Variants in FXR1 observed in about 807,000 individuals in gnomAD.
FXR1 encodes the protein FMR1 autosomal homolog 1.
Under a neutral mutation model 84.0 loss-of-function variants are expected in FXR1, and 15 were observed. That is an observed-to-expected ratio of 0.18 (90% confidence interval 0.12 to 0.27). The LOEUF (loss-of-function observed/expected upper bound fraction) is 0.27. Among genes scored for constraint, FXR1 ranks in the 10% least tolerant of loss-of-function variants. FXR1 has a pLI of 1.00. For missense variants in FXR1, 480 were observed against 774.4 expected (o/e 0.62, Z 4.51); for synonymous variants, 245 against 250.7 (o/e 0.98, Z 0.21).
intron 3 of FXR1, among the ~76,000 whole-genome samples, 174 bp downstream of exon 3, chr3:180,935,405 G>C (rs1720407956): frequency 6.6e-6 from 1 of 152,094 alleles, no homozygotes; most frequent in Non-Finnish European, 1.5e-5. Context: ...GTTAGAATCG[G>C]TCTCACCTGT....
rs57731098 is a variant in FXR1 at position 180,931,026 on chromosome 3, C to CAAAAAAAAAA, written c.52-2296_52-2287dup. Among the ~76,000 whole-genome samples, 116 of 55,622 alleles carry CAAAAAAAAAA rather than the reference C, an allele frequency of 2.1e-3. 8 individuals carry two copies. The highest frequency in any genetic ancestry group is 5.5e-3 in the African/African-American group (92 of 16,734). 36.5% of individuals were successfully genotyped at this position (55,622 alleles called of 152,430 possible). A position where few individuals can be genotyped will look rare whatever the true frequency, so the allele number is the denominator to read the frequency against. ...CCTGGGCAACAGAGCGAGACTGCCT[C>CAAAAAAAAAA]AAAAAAAAAAAAAAAAAAAAAGACG... On this transcript the variant is annotated intron_variant, in intron 1 of 16. Transcript: ENST00000357559.
At chr3:180,914,842 A>G (rs758178995) in intron 1 of FXR1, 13 of 984,884 alleles carry the variant, frequency 1.3e-5, no homozygotes, top group African/African-American at 1.7e-5. Flanking sequence ...GTGCACTGAA[A>G]TCATGTACGC....
chr3:180,920,710 C>T lies in FXR1; in HGVS notation c.51+7974C>T, dbSNP rs148290736. Among the ~76,000 whole-genome samples, 704 of 152,140 alleles carry T rather than the reference C, an allele frequency of 4.6e-3. 10 individuals are homozygous for T. Among genetic ancestry groups the T allele is most frequent in the Middle Eastern group, 0.031 (9 of 294 alleles). ...ATTTTTAGTAGAGATGGCGATTTGC[C>T]GTGTTGACTAGGCTGACCTTGAGCT... On this transcript the variant is annotated intron_variant, in intron 1 of 16. Transcript: ENST00000357559.
At chr3:180,926,318 G>T (rs1371592809) in intron 1 of FXR1, among the ~76,000 whole-genome samples, 1 of 151,816 alleles carries the variant, frequency 6.6e-6, no homozygotes, top group Non-Finnish European at 1.5e-5. Flanking sequence ...ACTTCCTTTT[G>T]CTTCCTTAAG....
chr3:180,978,216 CATAGA>C lies in FXR1; in HGVS notation c.*1929_*1933del, dbSNP rs1714410844. On this transcript the variant is annotated 3_prime_UTR_variant, in exon 17 of 17. Coordinates refer to ENST00000357559, the MANE Select transcript of FXR1 (RefSeq NM_005087.4). ...AAAAAAGACTTTTCATTTTCTCCCA[CATAGA>C]ATAGTCAGATATATTAAACATCCCT... 6.7e-6 allele frequency: 1 copy of C among 150,124 alleles called. No homozygotes were observed. The highest frequency in any genetic ancestry group is 1.5e-5 in the Non-Finnish European group (1 of 67,692). The allele number at this position is 150,124 out of a possible 1,614,324, so 9.3% of individuals were successfully genotyped here. A position where few individuals can be genotyped will look rare whatever the true frequency, so the allele number is the denominator to read the frequency against.
At chr3:180,920,149 CTCA>C (rs1209001190) in intron 1 of FXR1, among the ~76,000 whole-genome samples, 2 of 152,128 alleles carry the variant, frequency 1.3e-5, no homozygotes, top group Admixed American at 1.3e-4. Context: ...GATCAGGAGC[CTCA>C]GAGGCTCCTG....
chr3:180,961,399 C>A, intron 10 of FXR1, 69 bp from the exon 11 acceptor site: 8 of 545,540 alleles, frequency 1.5e-5, no homozygotes, highest in Non-Finnish European at 2.6e-5. Context: ...CTGTCAGTTT[C>A]ATGTCACTTT....
At chr3:180,961,395 G>T in intron 10 of FXR1, 73 bp from the exon 11 acceptor site, 4 of 538,950 alleles carry the variant, frequency 7.4e-6, no homozygotes, top group East Asian at 7.1e-5. Flanking sequence ...CTGCCTGTCA[G>T]TTTCATGTCA....
intron 4 of FXR1, 48 bp downstream of exon 4, chr3:180,947,984 C>G (rs1721870499): frequency 9.5e-7 from 1 of 1,050,428 alleles, no homozygotes; most frequent in African/African-American, 1.6e-5. Flanking sequence ...AAGGAAGTAC[C>G]TCAGTGCTTG....
intron 1 of FXR1, among the ~76,000 whole-genome samples, chr3:180,917,404 C>A (rs978190655): frequency 6.6e-6 from 1 of 152,048 alleles, no homozygotes. Context: ...ATTGAAAAAA[C>A]GATAATTGTC....
chr3:180,946,405 G>A (rs1368182235), intron 3 of FXR1, among the ~76,000 whole-genome samples: 1 of 152,118 alleles, frequency 6.6e-6, no homozygotes, highest in Non-Finnish European at 1.5e-5. Flanking sequence ...TTTATAAAAG[G>A]GCCCAGTGGA....
Position 180,953,971 on chromosome 3 carries a change from T to A in FXR1, c.880+131T>A, listed in dbSNP as rs75340650. 9.2e-4 allele frequency: 532 copies of A among 576,770 alleles called. 7 individuals carry two copies. In the East Asian group the frequency reaches 0.013, roughly 14 times the overall value. The allele number at this position is 576,770 out of a possible 1,614,324, so 35.7% of individuals were successfully genotyped here. ...ATGTGTAGATTTATTTAGATAGCAA[T>A]ACTTCTTTTCTTTTTTTGGTGATAA... On this transcript the variant is annotated intron_variant, in intron 9 of 16. Coordinates refer to ENST00000357559, the MANE Select transcript of FXR1 (RefSeq NM_005087.4).
intron 9 of FXR1, among the ~76,000 whole-genome samples, chr3:180,955,337 G>A (rs1225736073): frequency 1.3e-5 from 2 of 152,090 alleles, no homozygotes; most frequent in Non-Finnish European, 1.5e-5. Context: ...ATTTGGATAG[G>A]TATGACATTA....
rs538217323 is a variant in FXR1, at chr3:180,937,188, G to A, written c.198+1957G>A. 2.6e-5 allele frequency among the ~76,000 whole-genome samples: 4 copies of A among 152,282 alleles called. No homozygotes were observed. In the South Asian group the frequency reaches 8.3e-4, roughly 32 times the overall value. ...ACAGTGTTTTTTGGATTTTGAGTAA[G>A]CAAAAGTTAGGTCAAGCAAGGAATG... On this transcript the variant is annotated intron_variant, in intron 3 of 16. Coordinates refer to ENST00000357559, the MANE Select transcript of FXR1 (RefSeq NM_005087.4).
intron 1 of FXR1, among the ~76,000 whole-genome samples, chr3:180,919,400 T>A (rs151130639): frequency 3.3e-5 from 5 of 150,640 alleles, no homozygotes; most frequent in African/African-American, 1.2e-4. Context: ...TTCTCATGCC[T>A]GAGCCACCCG....
In FXR1 at chr3:180,926,504, A is replaced by ATTT. The variant is rs1289994089; in HGVS notation, c.52-6829_52-6828insTTT. ...TATATATATATATATATATATATATATATTTTTTTTTCTGGCCTTTTGTTG... is the reference window on the plus strand; with the variant it reads ...TATATATATATATATATATATATATATTTTATTTTTTTTTCTGGCCTTTTGTTG... On this transcript the variant is annotated intron_variant, in intron 1 of 16. Transcript: ENST00000357559. Among the ~76,000 whole-genome samples the ATTT allele has an allele frequency of 1.5e-3, 146 of 95,254 alleles. 1 individual carries two copies. Among genetic ancestry groups the ATTT allele is most frequent in the African/African-American group, 5.2e-3 (139 of 26,622 alleles). 62.5% of individuals were successfully genotyped at this position (95,254 alleles called of 152,430 possible).
intron 16 of FXR1, among the ~76,000 whole-genome samples, chr3:180,975,619 T>A (rs1417943838): frequency 6.6e-6 from 1 of 152,176 alleles, no homozygotes; most frequent in East Asian, 1.9e-4. Flanking sequence ...CAAATAGCAT[T>A]TATAAAATTC....
chr3:180,929,843 A>G (rs114793510), intron 1 of FXR1, among the ~76,000 whole-genome samples: 4,685 of 152,322 alleles, frequency 0.031, 94 homozygotes, highest in Non-Finnish European at 0.043. Flanking sequence ...AGAATTTAGG[A>G]CTTGGGGATT....
At chr3:180,946,049 TAGAA>T (rs941019616) in intron 3 of FXR1, among the ~76,000 whole-genome samples, 17 of 152,204 alleles carry the variant, frequency 1.1e-4, no homozygotes, top group African/African-American at 3.9e-4. Context: ...CTCTAATAAT[TAGAA>T]AGGCCTTCCT....
Sources: allele counts gnomAD v4.1 joint callset (sites outside exome capture counted in the v4.1 genomes callset), GRCh38; gene constraint gnomAD v4.1.1; transcripts MANE v1.5; gene names NCBI Gene and HGNC (gene_info 2026-07-23, HGNC 2026-07-21).